The following CELF2 variants were observed in gnomAD, a reference collection of about 807,000 sequenced individuals.
CELF2 encodes the protein CUG triplet repeat RNA-binding protein 2.
CELF2 carries 8 observed loss-of-function variants against 62.6 expected under a neutral mutation model. The observed-to-expected ratio is 0.13, with a 90% CI of 0.07 to 0.23. CELF2 has a LOEUF of 0.23. Among genes scored for constraint, CELF2 ranks in the 10% least tolerant of loss-of-function variants. The pLI is 1.00. For synonymous variants in CELF2, 258 were observed against 250.0 expected, an observed-to-expected ratio of 1.03 and a Z score of -0.30; for missense variants, 333 against 671.0, an observed-to-expected ratio of 0.50 and a Z score of 5.56.
At chr10:10,984,532 A>C (rs1462418280) in intron 2 of CELF2, among the ~76,000 whole-genome samples, 1 of 152,170 alleles carries the variant, frequency 6.6e-6, no homozygotes, top group South Asian at 2.1e-4. Context: ...CTCCTTGTCT[A>C]GTGAGTATCC....
chr10:11,066,643 G>A (rs1206377184), intron 1 of CELF2, among the ~76,000 whole-genome samples: 1 of 152,154 alleles, frequency 6.6e-6, no homozygotes. Context: ...GTTGCCCAAA[G>A]GATGATACTA....
the CELF2 span, among the ~76,000 whole-genome samples, chr10:10,502,717 C>G: frequency 6.6e-6 from 1 of 151,666 alleles, no homozygotes; most frequent in East Asian, 1.9e-4. Flanking sequence ...AAAAAATAGC[C>G]TTAGTTTTTC....
intron 2 of CELF2, among the ~76,000 whole-genome samples, chr10:10,926,426 G>T (rs915002907): frequency 1.3e-5 from 2 of 152,236 alleles, no homozygotes; most frequent in East Asian, 3.9e-4. Context: ...ACGGATGTTG[G>T]TGTTTTGAGC....
rs57417707 is a variant in CELF2 at position 10,962,997 on chromosome 10, C to CTGTTTTGTTT, written c.89+43052_89+43061dup. The stretch of plus-strand genomic sequence containing the variant: ...GATTGTATTTCCCCATAAGGAAATT[C>CTGTTTTGTTT]TGTTTTGTTTTGTTTTGTTTTGTTT... On this transcript the variant is annotated intron_variant, in intron 2 of 13. Coordinates refer to the CELF2 transcript ENST00000636488. 2.4e-3 allele frequency among the ~76,000 whole-genome samples: 345 copies of CTGTTTTGTTT among 142,708 alleles called. 5 individuals carry two copies. The highest frequency in any genetic ancestry group is 3.2e-3 in the Admixed American group (46 of 14,190). 93.6% of individuals were successfully genotyped at this position (142,708 alleles called of 152,430 possible). A position where few individuals can be genotyped will look rare whatever the true frequency, so the allele number is the denominator to read the frequency against.
chr10:11,234,596 G>T (rs563876124), intron 3 of CELF2, among the ~76,000 whole-genome samples: 1 of 65,706 alleles, frequency 1.5e-5, no homozygotes, highest in Non-Finnish European at 5.1e-5. Context: ...GCAGGAGAAT[G>T]GCGTGAACCC....
the CELF2 span, among the ~76,000 whole-genome samples, chr10:10,543,860 C>T: frequency 6.6e-6 from 1 of 152,176 alleles, no homozygotes; most frequent in African/African-American, 2.4e-5. Context: ...CTTGCATTGA[C>T]TCTGGAGGAT....
intron 1 of CELF2, among the ~76,000 whole-genome samples, chr10:11,040,130 G>A (rs958150106): frequency 6.6e-6 from 1 of 152,164 alleles, no homozygotes; most frequent in Non-Finnish European, 1.5e-5. Flanking sequence ...GGTAGGACAG[G>A]AGGAAGTTCA....
chr10:10,838,670 G>A (rs1485563807), intron 1 of CELF2, among the ~76,000 whole-genome samples: 1 of 152,130 alleles, frequency 6.6e-6, no homozygotes, highest in Non-Finnish European at 1.5e-5. Context: ...GCCATGGGAT[G>A]CTCTTGTTCA....
At chr10:10,836,344 A>G (rs1179951913) in intron 1 of CELF2, among the ~76,000 whole-genome samples, 1 of 152,224 alleles carries the variant, frequency 6.6e-6, no homozygotes, top group Non-Finnish European at 1.5e-5. Flanking sequence ...TGTTACGGAC[A>G]CTGATAGAAA....
At chr10:10,651,319 T>C in the CELF2 span, among the ~76,000 whole-genome samples, 180 of 148,312 alleles carry the variant, frequency 1.2e-3, 1 homozygote, top group African/African-American at 4.1e-3. Flanking sequence ...TGCCCAGGCT[T>C]GCTTAGGTAA....
At chr10:10,670,005 C>T in the CELF2 span, among the ~76,000 whole-genome samples, 2 of 149,440 alleles carry the variant, frequency 1.3e-5, no homozygotes, top group Non-Finnish European at 2.9e-5. Flanking sequence ...CAGGTTCAAG[C>T]GATTCTCCTG....
At chr10:10,630,024 A>G in the CELF2 span, among the ~76,000 whole-genome samples, 1 of 152,176 alleles carries the variant, frequency 6.6e-6, no homozygotes, top group Non-Finnish European at 1.5e-5. Context: ...GAAGTTAGAT[A>G]ATAAAAGAAT....
chr10:11,257,859 T>C lies in CELF2; in HGVS notation c.525T>C (p.Asp175=). 1 of 1,614,206 alleles carries C rather than the reference T, an allele frequency of 6.2e-7. No individual in the cohort carries two copies. Among genetic ancestry groups the C allele is most frequent in the Non-Finnish European group, 8.5e-7 (1 of 1,180,028 alleles). The change falls in exon 5 of 13, where the codon GAT becomes GAC. Residue 175 remains aspartate (D), a synonymous_variant. Coordinates refer to ENST00000633077, the MANE Select transcript of CELF2 (RefSeq NM_001326342.2). ...IEECRILRGP[D]GLSRGCAFVT... Reference sequence around the variant, plus strand: ...AATGCCGGATCCTCCGGGGACCTGATGGGCTGAGTCGAGGTGAGTGTGCTG... The same window carrying C: ...AATGCCGGATCCTCCGGGGACCTGACGGGCTGAGTCGAGGTGAGTGTGCTG...
At chr10:10,933,987 G>A (rs1382891995) in intron 2 of CELF2, among the ~76,000 whole-genome samples, 1 of 152,166 alleles carries the variant, frequency 6.6e-6, no homozygotes, top group Non-Finnish European at 1.5e-5. Flanking sequence ...TCATATGGCA[G>A]TTCTATTTTT....
Position 11,177,197 on chromosome 10 carries a change from C to G in CELF2, c.271+11515C>G, listed in dbSNP as rs971669589. On this transcript the variant is annotated intron_variant, in intron 2 of 12. Coordinates refer to ENST00000633077, the MANE Select transcript of CELF2 (RefSeq NM_001326342.2). The surrounding 1 kb of genome is among the most constrained non-coding windows in gnomAD (Gnocchi z 4.8). ...AAAACACCCCTTTCTAAAAAATTCA[C>G]ATTACTAAGGCATCCCCTACACAGA... Among the ~76,000 whole-genome samples the G allele has an allele frequency of 2.6e-5, 4 of 152,262 alleles. No homozygotes were observed. Among genetic ancestry groups the G allele is most frequent in the Admixed American group, 2.6e-4 (4 of 15,302 alleles).
At chr10:10,996,021 T>A (rs1323195014) in intron 2 of CELF2, among the ~76,000 whole-genome samples, 4 of 152,232 alleles carry the variant, frequency 2.6e-5, no homozygotes, top group Non-Finnish European at 5.9e-5. Flanking sequence ...CCTGTAAGTA[T>A]ATCATATTTT....
the CELF2 span, among the ~76,000 whole-genome samples, chr10:10,543,758 T>TCAA: frequency 6.0e-4 from 91 of 151,218 alleles, 1 homozygote; most frequent in Middle Eastern, 3.4e-3. Context: ...AAACTCCATT[T>TCAA]CAACAACAAC....
chr10:10,659,318 C>G, the CELF2 span, among the ~76,000 whole-genome samples: 3 of 152,110 alleles, frequency 2.0e-5, no homozygotes, highest in Admixed American at 6.5e-5. Flanking sequence ...ATTGTTTGCT[C>G]TTTAATAAAA....
chr10:10,501,474 T>C, the CELF2 span, among the ~76,000 whole-genome samples: 6 of 152,074 alleles, frequency 3.9e-5, no homozygotes, highest in Non-Finnish European at 8.8e-5. Context: ...TTTTTCCTGT[T>C]ATGTTTTGAG....
Sources: gnomAD v4.1 joint callset for allele counts (sites outside exome capture counted in the v4.1 genomes callset) on GRCh38, gnomAD v4.1.1 for gene constraint, Gnocchi (gnomAD v3.1) non-coding constraint, MANE v1.5 for transcripts, NCBI Gene and HGNC (gene_info 2026-07-23, HGNC 2026-07-21) for gene names.